Variants in ZFP64 observed in about 807,000 individuals in gnomAD.
The protein encoded by ZFP64 is zinc finger protein 64.
Under a neutral mutation model 51.6 loss-of-function variants are expected in ZFP64, and 14 were observed. That is an observed-to-expected ratio of 0.27 (90% CI 0.18 to 0.42). The LOEUF is 0.42. Ranked by LOEUF, ZFP64 falls within the 10% of genes least tolerant of loss-of-function variation. The pLI is 1.00. For missense variants in ZFP64, 754 were observed against 906.8 expected (o/e 0.83, Z 2.16); for synonymous variants, 375 against 361.4 (o/e 1.04, Z -0.43).
chr20:52,084,323 C>T, exon 9 of ZFP64: 1 of 536,102 alleles, frequency 1.9e-6, no homozygotes, highest in East Asian at 3.0e-5. Flanking sequence ...AACAAGTCGA[C>T]TTGCTCAGAT....
At chr20:52,124,841 C>T (rs1005552818) in intron 5 of ZFP64, among the ~76,000 whole-genome samples, 36 of 151,744 alleles carry the variant, frequency 2.4e-4, no homozygotes, top group African/African-American at 8.7e-4. Context: ...TGGGCTCAGG[C>T]GATCCTCCTG....
At chr20:52,159,004 C>T (rs778333474) in intron 5 of ZFP64, among the ~76,000 whole-genome samples, 1 of 152,190 alleles carries the variant, frequency 6.6e-6, no homozygotes, top group East Asian at 1.9e-4. Context: ...CAGAACAGAA[C>T]CAGATTGCCT....
intron 2 of ZFP64, among the ~76,000 whole-genome samples, chr20:52,169,848 G>T (rs1568695004): frequency 6.6e-6 from 1 of 152,164 alleles, no homozygotes; most frequent in African/African-American, 2.4e-5. Context: ...GAGGTCGGGA[G>T]TTTGAGACCA....
Position 52,191,260 on chromosome 20 carries a change from C to G in ZFP64, c.46+331G>C, listed in dbSNP as rs546636492. Among the ~76,000 whole-genome samples, 6 of 152,330 alleles carry G rather than the reference C, an allele frequency of 3.9e-5. No individual in the cohort carries two copies. Among genetic ancestry groups the G allele is most frequent in the Admixed American group, 3.9e-4 (6 of 15,310 alleles). On this transcript the variant is annotated intron_variant, in intron 1 of 5. Coordinates refer to ENST00000216923, the MANE Select transcript of ZFP64 (RefSeq NM_018197.3). This position sits in a 1 kb window ranked among gnomAD's most constrained non-coding sequence, Gnocchi z 4.3. ...CCTAGATTCCTCCCTTTCTCCTGCC[C>G]GCCCCAAACTCCGCCTGATGGGGCG...
rs1767484787 is a variant in ZFP64, at chr20:52,085,356, G to C, written c.1229-90C>G. 1 of 1,387,252 alleles carries C rather than the reference G, an allele frequency of 7.2e-7. No individual in the cohort carries two copies. 85.9% of individuals were successfully genotyped at this position (1,387,252 alleles called of 1,614,324 possible). ...GCCTTAGCACACTTGGCCGCCATGA[G>C]ATGGTTGGGTTTTGTGAACTCTAAA... On this transcript the variant is annotated intron_variant, in intron 8 of 8. Transcript: ENST00000361387. The surrounding 1 kb of genome is among the most constrained non-coding windows in gnomAD (Gnocchi z 4.3).
intron 7 of ZFP64, chr20:52,097,146 T>C (rs768343662): frequency 1.3e-6 from 1 of 779,442 alleles, no homozygotes; most frequent in Non-Finnish European, 2.4e-6. Flanking sequence ...AGCCACCTTA[T>C]TGCTCTAAGA....
At chr20:52,103,389 G>A (rs569925901) in intron 5 of ZFP64, among the ~76,000 whole-genome samples, 2 of 152,260 alleles carry the variant, frequency 1.3e-5, no homozygotes, top group African/African-American at 4.8e-5. Context: ...CAGACCAAAG[G>A]TACTAGGATA....
At chr20:52,108,313 A>G (rs1278404384) in intron 5 of ZFP64, among the ~76,000 whole-genome samples, 1 of 152,192 alleles carries the variant, frequency 6.6e-6, no homozygotes, top group Non-Finnish European at 1.5e-5. Flanking sequence ...CTATATTGAT[A>G]TAAAATGGGA....
intron 7 of ZFP64, among the ~76,000 whole-genome samples, chr20:52,094,963 G>A (rs2078972702): frequency 6.6e-6 from 1 of 152,208 alleles, no homozygotes; most frequent in Non-Finnish European, 1.5e-5. Flanking sequence ...GAATAAGACA[G>A]ATGGTTTGAG....
At chr20:52,177,758 C>T (rs1015575066) in intron 2 of ZFP64, among the ~76,000 whole-genome samples, 1 of 152,182 alleles carries the variant, frequency 6.6e-6, no homozygotes, top group Non-Finnish European at 1.5e-5. Flanking sequence ...AGAGGCCGGG[C>T]GTGGTTGCTG....
At chr20:52,180,135 A>G (rs1983508911) in intron 2 of ZFP64, among the ~76,000 whole-genome samples, 1 of 152,208 alleles carries the variant, frequency 6.6e-6, no homozygotes, top group Non-Finnish European at 1.5e-5. Flanking sequence ...TCAACAGTAG[A>G]ACAGCATGGC....
intron 5 of ZFP64, chr20:52,110,775 G>A (rs972648732): frequency 6.3e-7 from 1 of 1,590,566 alleles, no homozygotes; most frequent in African/African-American, 1.3e-5. Flanking sequence ...CCCGGGAGAG[G>A]TAGAAGACTG....
At chr20:52,142,839 CAAA>C (rs386393987) in intron 5 of ZFP64, among the ~76,000 whole-genome samples, 6 of 55,060 alleles carry the variant, frequency 1.1e-4, no homozygotes, top group Admixed American at 8.0e-4. Context: ...GACTCCATCT[CAAA>C]AAAAAAAAAA....
chr20:52,171,290 T>A (rs142656261), intron 2 of ZFP64, among the ~76,000 whole-genome samples: 47 of 152,294 alleles, frequency 3.1e-4, no homozygotes, highest in African/African-American at 1.1e-3. Flanking sequence ...GGCCTCCTCA[T>A]CCCCTTTGGT....
chr20:52,177,632 G>C (rs1983325142), intron 2 of ZFP64, among the ~76,000 whole-genome samples: 1 of 152,152 alleles, frequency 6.6e-6, no homozygotes, highest in Non-Finnish European at 1.5e-5. Context: ...GGAGGAAGAC[G>C]GAAAGAACTC....
intron 5 of ZFP64, among the ~76,000 whole-genome samples, chr20:52,154,690 C>A (rs1331353999): frequency 6.6e-6 from 1 of 152,092 alleles, no homozygotes; most frequent in African/African-American, 2.4e-5. Context: ...CTGAATACCA[C>A]CAAGATCATG....
chr20:52,089,150 A>G, intron 7 of ZFP64: 6 of 413,548 alleles, frequency 1.5e-5, no homozygotes, highest in South Asian at 1.1e-4. Context: ...GAACACTTCC[A>G]TCCAGCCATG....
At chr20:52,159,257 A>T (rs1156391826) in intron 5 of ZFP64, among the ~76,000 whole-genome samples, 2 of 152,248 alleles carry the variant, frequency 1.3e-5, no homozygotes, top group East Asian at 3.8e-4. Flanking sequence ...GAAAGAAAAA[A>T]GTATGTAATT....
chr20:52,109,803 GA>G lies in ZFP64; in HGVS notation c.764-11217del, dbSNP rs1249107347. 7.1e-5 allele frequency among the ~76,000 whole-genome samples: 9 copies of G among 126,918 alleles called. No homozygotes were observed. In the East Asian group the frequency reaches 1.1e-3, roughly 16 times the overall value. 83.3% of individuals were successfully genotyped at this position (126,918 alleles called of 152,430 possible). ...CTCAAAAAAAAAAAAAAAAAAAAAAGAAAAAAATTTGTTGCTAATTTTAAAC... is the reference window on the plus strand; with the variant it reads ...CTCAAAAAAAAAAAAAAAAAAAAAAGAAAAAATTTGTTGCTAATTTTAAAC... On this transcript the variant is annotated intron_variant, in intron 5 of 8. Transcript: ENST00000361387.
Sources: allele counts gnomAD v4.1 joint callset (sites outside exome capture counted in the v4.1 genomes callset), GRCh38; gene constraint gnomAD v4.1.1; non-coding constraint Gnocchi (gnomAD v3.1); transcripts MANE v1.5; gene names NCBI Gene and HGNC (gene_info 2026-07-23, HGNC 2026-07-21).